The following AFF3 variants were observed in gnomAD, a reference collection of about 807,000 sequenced individuals.
AFF3 encodes ALF transcription elongation factor 3.
A neutral mutation model predicts 129.7 loss-of-function variants in AFF3; 32 were observed. That is an observed-to-expected ratio of 0.25 (90% CI 0.19 to 0.33). The LOEUF (loss-of-function observed/expected upper bound fraction) is 0.33. Among genes scored for constraint, AFF3 ranks in the 10% least tolerant of loss-of-function variants. The pLI, the probability that AFF3 is intolerant of heterozygous loss-of-function variation, is 1.00. For missense variants in AFF3, 1,373 were observed against 1,592.0 expected (o/e 0.86, Z 2.34); for synonymous variants, 644 against 635.4 (o/e 1.01, Z -0.20).
intron 8 of AFF3, among the ~76,000 whole-genome samples, chr2:99,831,161 G>GT (rs1301372422): frequency 2.0e-5 from 3 of 152,174 alleles, no homozygotes; most frequent in East Asian, 1.9e-4. Flanking sequence ...TGGGAATTGG[G>GT]TTTTTTTCTC....
intron 7 of AFF3, among the ~76,000 whole-genome samples, chr2:99,865,039 C>T (rs904430077): frequency 2.6e-5 from 4 of 152,218 alleles, no homozygotes; most frequent in African/African-American, 2.4e-5. Context: ...TGAAACAGAG[C>T]CAATCTGACA....
At chr2:100,130,456 T>C (rs566596636) in intron 1 of AFF3, among the ~76,000 whole-genome samples, 69 of 152,304 alleles carry the variant, frequency 4.5e-4, no homozygotes, top group Non-Finnish European at 8.8e-4. Context: ...AATGCATTTG[T>C]GAGAATTAGA....
At chr2:99,872,422 G>C (rs1186148257) in intron 7 of AFF3, among the ~76,000 whole-genome samples, 1 of 151,724 alleles carries the variant, frequency 6.6e-6, no homozygotes, top group Non-Finnish European at 1.5e-5. Flanking sequence ...ACCACAGAGC[G>C]AAGGGGATCT....
intron 4 of AFF3, among the ~76,000 whole-genome samples, chr2:100,015,492 G>A (rs552859838): frequency 3.3e-5 from 5 of 152,236 alleles, no homozygotes; most frequent in South Asian, 4.1e-4. Context: ...GAGCAGCAGC[G>A]TAAGCACTGT....
chr2:99,732,347 C>CAAA lies in AFF3; in HGVS notation c.1040-5222_1040-5220dup, dbSNP rs35379808. Among the ~76,000 whole-genome samples, 147 of 74,892 alleles carry CAAA rather than the reference C, an allele frequency of 2.0e-3. 1 individual carries two copies. The highest frequency in any genetic ancestry group is 5.8e-3 in the African/African-American group (145 of 24,804). 49.1% of individuals were successfully genotyped at this position (74,892 alleles called of 152,430 possible). A position where few individuals can be genotyped will look rare whatever the true frequency, so the allele number is the denominator to read the frequency against. Reference sequence around the variant, plus strand: ...TGGGCAACAGAGCGAGACTCTGTCTCAAAAAAAAAAAAAAAAAGAATTGTG... The same window carrying CAAA: ...TGGGCAACAGAGCGAGACTCTGTCTCAAAAAAAAAAAAAAAAAAAAGAATTGTG... On this transcript the variant is annotated intron_variant, in intron 10 of 24. Coordinates refer to ENST00000672756, the MANE Select transcript of AFF3 (RefSeq NM_001386135.1).
intron 8 of AFF3, among the ~76,000 whole-genome samples, chr2:99,781,293 C>CCCAGT (rs1684386720): frequency 6.6e-6 from 1 of 152,168 alleles, no homozygotes; most frequent in African/African-American, 2.4e-5. Context: ...ATAACACCAG[C>CCCAGT]CCAGTCATTC....
intron 7 of AFF3, among the ~76,000 whole-genome samples, chr2:99,868,280 T>C (rs992120083): frequency 1.3e-5 from 2 of 152,144 alleles, no homozygotes; most frequent in Non-Finnish European, 2.9e-5. Flanking sequence ...TCTAGATCTT[T>C]TGATTTTTTT....
chr2:100,026,242 T>C (rs561502539), intron 4 of AFF3, among the ~76,000 whole-genome samples: 1 of 152,232 alleles, frequency 6.6e-6, no homozygotes, highest in East Asian at 1.9e-4. Context: ...GCTAAGGACA[T>C]GAATAGACAA....
intron 8 of AFF3, among the ~76,000 whole-genome samples, chr2:99,823,952 G>A (rs569221183): frequency 1.3e-5 from 2 of 151,982 alleles, no homozygotes; most frequent in Admixed American, 6.6e-5. Context: ...ACTACCAAAC[G>A]GCAGGGGCTG....
chr2:99,902,621 T>C (rs1050399535), intron 7 of AFF3, among the ~76,000 whole-genome samples: 2 of 152,302 alleles, frequency 1.3e-5, no homozygotes, highest in East Asian at 1.9e-4. Context: ...GCAAATTCTA[T>C]GGTAACTGTA....
At chr2:99,678,399 C>G (rs936239058) in intron 11 of AFF3, among the ~76,000 whole-genome samples, 3 of 152,192 alleles carry the variant, frequency 2.0e-5, no homozygotes, top group Non-Finnish European at 2.9e-5. Flanking sequence ...CCAACTGCTT[C>G]CAAAGCTCAT....
intron 13 of AFF3, among the ~76,000 whole-genome samples, chr2:99,644,720 A>G (rs1164505384): frequency 6.6e-6 from 1 of 152,188 alleles, no homozygotes; most frequent in East Asian, 1.9e-4. Context: ...GTTATCTACT[A>G]TTTACTACTC....
chr2:99,763,552 C>CACAACA (rs59413932), intron 8 of AFF3, among the ~76,000 whole-genome samples: 1 of 151,682 alleles, frequency 6.6e-6, no homozygotes, highest in South Asian at 2.1e-4. Context: ...TGTCTTTAAT[C>CACAACA]ACAACAACAA....
chr2:100,030,083 A>ATAC (rs1158077201), intron 4 of AFF3, among the ~76,000 whole-genome samples: 3 of 150,992 alleles, frequency 2.0e-5, no homozygotes, highest in Non-Finnish European at 4.4e-5. Flanking sequence ...AATAATAATA[A>ATAC]TAATAATAAT....
chr2:99,897,494 C>A (rs1416276027), intron 7 of AFF3, among the ~76,000 whole-genome samples: 2 of 152,128 alleles, frequency 1.3e-5, no homozygotes, highest in Non-Finnish European at 2.9e-5. Context: ...TTGGTGGAGG[C>A]CTGCTCAGAC....
intron 11 of AFF3, among the ~76,000 whole-genome samples, chr2:99,719,861 C>A (rs1678728022): frequency 6.6e-6 from 1 of 151,976 alleles, no homozygotes; most frequent in East Asian, 1.9e-4. Context: ...CACGGTGAAA[C>A]CCCATCTCTA....
intron 7 of AFF3, among the ~76,000 whole-genome samples, chr2:99,950,756 T>A (rs182902564): frequency 2.8e-3 from 430 of 152,348 alleles, no homozygotes; most frequent in Non-Finnish European, 4.6e-3. Context: ...CATATCAATA[T>A]GTGAATTTTA....
chr2:99,723,893 G>C (rs1679121405), intron 11 of AFF3, among the ~76,000 whole-genome samples: 1 of 152,148 alleles, frequency 6.6e-6, no homozygotes, highest in Admixed American at 6.6e-5. Flanking sequence ...CATGCACAGA[G>C]AGACGATGAC....
intron 8 of AFF3, among the ~76,000 whole-genome samples, chr2:99,757,848 C>G (rs1009044373): frequency 6.6e-6 from 1 of 152,198 alleles, no homozygotes; most frequent in Non-Finnish European, 1.5e-5. Context: ...TCTTCTTTGG[C>G]CAAACCAAGC....
Sources: gnomAD v4.1 joint callset for allele counts (sites outside exome capture counted in the v4.1 genomes callset) on GRCh38, gnomAD v4.1.1 for gene constraint, MANE v1.5 for transcripts, NCBI Gene and HGNC (gene_info 2026-07-23, HGNC 2026-07-21) for gene names.